Variants in IFT43 observed in about 807,000 individuals in gnomAD.
The protein encoded by IFT43 is intraflagellar transport protein 43 homolog.
IFT43 carries 33 observed loss-of-function variants against 32.3 expected under a neutral mutation model. The ratio of observed to expected loss-of-function variants is 1.02; its 90% CI spans 0.77 to 1.37. The LOEUF is 1.37. IFT43 is among the 40% of genes most tolerant of loss of function. The probability of loss-of-function intolerance (pLI) is 0.00; values close to 1 mark genes in which losing one functional copy is unlikely to be tolerated. For missense variants in IFT43, 274 were observed against 265.9 expected (o/e 1.03, Z -0.21); for synonymous variants, 93 against 98.2 (o/e 0.95, Z 0.31).
chr14:75,985,961 G>T, intron 1 of IFT43, 121 bp downstream of exon 1: 31 of 1,536,560 alleles, frequency 2.0e-5, no homozygotes, highest in Non-Finnish European at 2.7e-5. Flanking sequence ...GCCGGGTGAG[G>T]CCCAGAAGGA....
chr14:76,019,378 C>CTTT (rs1020937145), intron 2 of IFT43, among the ~76,000 whole-genome samples: 1 of 143,932 alleles, frequency 6.9e-6, no homozygotes, highest in Non-Finnish European at 1.5e-5. Flanking sequence ...TCATAGCTGC[C>CTTT]TTTTTTTTTT....
chr14:76,082,502 A>C lies in IFT43; in HGVS notation c.369-115A>C. ...CTCCATCCAGGGTTCCCATTTTGTTATTCCCATTCTGGTCATCCCCTGCTG... is the reference window on the plus strand; with the variant it reads ...CTCCATCCAGGGTTCCCATTTTGTTCTTCCCATTCTGGTCATCCCCTGCTG... On this transcript the variant is annotated intron_variant, in intron 6 of 8. Coordinates refer to ENST00000314067, the MANE Select transcript of IFT43 (RefSeq NM_001102564.3). The C allele has an allele frequency of 3.0e-6, 4 of 1,349,564 alleles. No homozygotes were observed. In the East Asian group the frequency reaches 9.2e-5, roughly 31 times the overall value. The allele number at this position is 1,349,564 out of a possible 1,614,324, so 83.6% of individuals were successfully genotyped here. A position where few individuals can be genotyped will look rare whatever the true frequency, so the allele number is the denominator to read the frequency against.
intron 2 of IFT43, among the ~76,000 whole-genome samples, chr14:76,006,081 G>A (rs1043411056): frequency 2.9e-4 from 44 of 151,940 alleles, no homozygotes; most frequent in Admixed American, 2.0e-3. Flanking sequence ...ATTAGCTATC[G>A]AGACAGAAAG....
intron 2 of IFT43, among the ~76,000 whole-genome samples, chr14:75,999,264 TATATATATGTATATA>T (rs1566699551): frequency 1.6e-3 from 42 of 26,100 alleles, no homozygotes; most frequent in African/African-American, 6.9e-3. Flanking sequence ...TATATATATA[TATATATATGTATATA>T]TATTTTTTTT....
At chr14:76,036,941 C>T (rs981642632) in intron 3 of IFT43, among the ~76,000 whole-genome samples, 12 of 152,124 alleles carry the variant, frequency 7.9e-5, no homozygotes, top group Admixed American at 2.0e-4. Context: ...GATACTCCTG[C>T]CCCAGCCTCC....
rs1419523631 is a variant in IFT43, at chr14:75,985,785, A to C, written c.-2A>C. On this transcript the variant is annotated 5_prime_UTR_variant, in exon 1 of 9. Coordinates refer to ENST00000314067, the MANE Select transcript of IFT43 (RefSeq NM_001102564.3). ...AGGAAGTGACGTCAGGCGGCCGCGG[A>C]GATGGAGGATTTGCTCGACTTGGAC... 2 of 1,614,042 alleles carry C rather than the reference A, an allele frequency of 1.2e-6. No homozygotes were observed. The highest frequency in any genetic ancestry group is 1.1e-5 in the South Asian group (1 of 91,060).
At chr14:76,022,594 C>T (rs1207190891) in intron 3 of IFT43, 200 bp downstream of exon 3, 2 of 419,594 alleles carry the variant, frequency 4.8e-6, no homozygotes, top group African/African-American at 2.1e-5. Context: ...ATCAATTTTA[C>T]AACATTTTCA....
At chr14:76,039,955 GC>G (rs2036676312) in intron 3 of IFT43, among the ~76,000 whole-genome samples, 1 of 152,082 alleles carries the variant, frequency 6.6e-6, no homozygotes, top group South Asian at 2.1e-4. Context: ...GAGTAGAAGA[GC>G]TTCTTTTCTT....
At chr14:75,986,525 A>G (rs1454755876) in intron 1 of IFT43, among the ~76,000 whole-genome samples, 3 of 152,150 alleles carry the variant, frequency 2.0e-5, no homozygotes, top group South Asian at 2.1e-4. Context: ...GAGGTGTTAC[A>G]GTGAAAAGGA....
intron 2 of IFT43, among the ~76,000 whole-genome samples, chr14:75,997,525 G>A (rs2035770207): frequency 6.6e-6 from 1 of 152,204 alleles, no homozygotes; most frequent in South Asian, 2.1e-4. Flanking sequence ...GTATGCTCAA[G>A]GATTTCAGAT....
intron 2 of IFT43, among the ~76,000 whole-genome samples, chr14:76,018,341 A>G (rs954643316): frequency 9.9e-5 from 15 of 151,902 alleles, no homozygotes; most frequent in African/African-American, 2.9e-4. Context: ...TTTAATTTCT[A>G]TGTATTTGTA....
At chr14:76,048,629 C>A (rs949573706) in intron 3 of IFT43, among the ~76,000 whole-genome samples, 13 of 152,100 alleles carry the variant, frequency 8.5e-5, no homozygotes, top group Admixed American at 7.9e-4. Flanking sequence ...AATGGAGGCC[C>A]CTCACATCAT....
intron 3 of IFT43, among the ~76,000 whole-genome samples, chr14:76,026,265 G>A (rs1327487420): frequency 2.0e-5 from 3 of 152,132 alleles, no homozygotes; most frequent in African/African-American, 7.2e-5. Context: ...TTATTAAAAA[G>A]TCAAAAAATA....
chr14:76,082,595 T>C (rs1293565670), intron 6 of IFT43, 22 bp from the exon 7 acceptor site: 1 of 1,614,134 alleles, frequency 6.2e-7, no homozygotes, highest in South Asian at 1.1e-5. Context: ...GGTTCCCGCC[T>C]CTCGCTCTCT....
rs80265079 is a variant in IFT43 at position 75,987,555 on chromosome 14, A to G, written c.55-1330A>G. Reference sequence around the variant, plus strand: ...CCACTTCATCACCTTCCTAGGCCTCAGTTTCCTCCTTTGTAAAATGACAGC... The same window carrying G: ...CCACTTCATCACCTTCCTAGGCCTCGGTTTCCTCCTTTGTAAAATGACAGC... On this transcript the variant is annotated intron_variant, in intron 1 of 8. Transcript: ENST00000314067. 9.2e-3 allele frequency among the ~76,000 whole-genome samples: 1,406 copies of G among 152,290 alleles called. 23 individuals are homozygous for G. The highest frequency in any genetic ancestry group is 0.032 in the African/African-American group (1,336 of 41,552).
chr14:76,061,997 A>T (rs1020033836), intron 5 of IFT43, among the ~76,000 whole-genome samples: 2 of 151,392 alleles, frequency 1.3e-5, no homozygotes, highest in Admixed American at 1.3e-4. Context: ...TTTGCTGCTA[A>T]TTCCATTATA....
Position 76,083,225 on chromosome 14 carries a change from A to T in IFT43, c.445-2A>T. Reference sequence around the variant, plus strand: ...CTGACCTTTTTTTGTTTGCATTCACAGGATGGGGAGATCGACCTGAAACTC... The same window carrying T: ...CTGACCTTTTTTTGTTTGCATTCACTGGATGGGGAGATCGACCTGAAACTC... On this transcript the variant is annotated splice_acceptor_variant, in intron 7 of 8. Transcript: ENST00000314067. LOFTEE classifies it high-confidence loss of function. 6.2e-7 allele frequency: 1 copy of T among 1,614,172 alleles called. No individual in the cohort carries two copies. The highest frequency in any genetic ancestry group is 1.1e-5 in the South Asian group (1 of 91,084).
chr14:76,046,345 A>G (rs917801992), intron 3 of IFT43, among the ~76,000 whole-genome samples: 1 of 152,148 alleles, frequency 6.6e-6, no homozygotes, highest in East Asian at 1.9e-4. Flanking sequence ...GATGAGGTCA[A>G]CAGGTCAGGT....
intron 5 of IFT43, among the ~76,000 whole-genome samples, chr14:76,081,956 T>C (rs1313283536): frequency 4.6e-5 from 7 of 152,246 alleles, no homozygotes. Context: ...AAGCCCTTTG[T>C]TACATTTATT....
Sources: gnomAD v4.1 joint callset for allele counts (sites outside exome capture counted in the v4.1 genomes callset) on GRCh38, gnomAD v4.1.1 for gene constraint, MANE v1.5 for transcripts, NCBI Gene and HGNC (gene_info 2026-07-23, HGNC 2026-07-21) for gene names.